The following DPP6 variants were observed in gnomAD, a reference collection of about 807,000 sequenced individuals.
DPP6 encodes the protein A-type potassium channel modulatory protein DPP6.
In DPP6, 69 loss-of-function variants were observed where a neutral mutation model predicts 122.6. The observed-to-expected ratio is 0.56, with a 90% CI of 0.46 to 0.69. The LOEUF is 0.69. DPP6 is among the 30% of genes least tolerant of loss of function. The pLI, the probability that DPP6 is intolerant of heterozygous loss-of-function variation, is 0.00. For synonymous variants in DPP6, 418 were observed against 433.1 expected (o/e 0.97, Z 0.43); for missense variants, 928 against 1,116.9 (o/e 0.83, Z 2.41).
At chr7:154,070,371 G>A (rs1470639249) in intron 1 of DPP6, among the ~76,000 whole-genome samples, 1 of 151,932 alleles carries the variant, frequency 6.6e-6, no homozygotes, top group African/African-American at 2.4e-5. Context: ...CCTTTAAAAA[G>A]TGAGACAAAT....
At chr7:154,254,610 G>C (rs971348550) in intron 1 of DPP6, among the ~76,000 whole-genome samples, 3 of 152,056 alleles carry the variant, frequency 2.0e-5, no homozygotes, top group South Asian at 2.1e-4. Flanking sequence ...CAGTGGGCTT[G>C]GTTCTTAATG....
At chr7:154,057,045 A>G (rs1800885910) in intron 1 of DPP6, among the ~76,000 whole-genome samples, 1 of 152,200 alleles carries the variant, frequency 6.6e-6, no homozygotes, top group South Asian at 2.1e-4. Flanking sequence ...GAGCATGGAG[A>G]GTTGCAATGT....
intron 6 of DPP6, among the ~76,000 whole-genome samples, chr7:154,662,221 G>A (rs1837749789): frequency 6.6e-6 from 1 of 151,618 alleles, no homozygotes; most frequent in Non-Finnish European, 1.5e-5. Flanking sequence ...CGTTCACGCA[G>A]TCATGGTGAA....
intron 1 of DPP6, among the ~76,000 whole-genome samples, chr7:153,964,472 C>T (rs1440878459): frequency 1.3e-5 from 2 of 152,134 alleles, no homozygotes; most frequent in African/African-American, 4.8e-5. Context: ...CCTGGGCACA[C>T]CAGGGCTCCG....
chr7:154,785,044 C>T (rs575232011), intron 10 of DPP6, among the ~76,000 whole-genome samples: 12 of 152,230 alleles, frequency 7.9e-5, no homozygotes, highest in African/African-American at 2.6e-4. Context: ...ACATCTCCAC[C>T]GTGTACCAGT....
chr7:154,715,471 A>G (rs1054538333), intron 7 of DPP6, among the ~76,000 whole-genome samples: 1 of 152,224 alleles, frequency 6.6e-6, no homozygotes, highest in Non-Finnish European at 1.5e-5. Context: ...CACTTGTACA[A>G]TTTTCCGACC....
intron 3 of DPP6, among the ~76,000 whole-genome samples, chr7:154,477,785 A>C (rs1282584232): frequency 6.6e-6 from 1 of 152,210 alleles, no homozygotes; most frequent in Non-Finnish European, 1.5e-5. Context: ...CTGTATCATC[A>C]GGTTATGCCT....
chr7:154,756,345 C>G (rs537205586), intron 8 of DPP6, among the ~76,000 whole-genome samples: 42 of 152,308 alleles, frequency 2.8e-4, no homozygotes, highest in Admixed American at 9.1e-4. Flanking sequence ...CCTGCCTATA[C>G]GTCTCCAGGC....
the DPP6 span, among the ~76,000 whole-genome samples, chr7:153,863,410 A>G: frequency 6.6e-6 from 1 of 152,162 alleles, no homozygotes; most frequent in African/African-American, 2.4e-5. Context: ...AACAACAACA[A>G]CAACAAACCT....
rs1563738490 is a variant in DPP6 at position 154,481,340 on chromosome 7, GAGA to G, written c.457+6304_457+6306del. Among the ~76,000 whole-genome samples, 2 of 89,308 alleles carry G rather than the reference GAGA, an allele frequency of 2.2e-5. No individual in the cohort carries two copies. The highest frequency in any genetic ancestry group is 4.6e-5 in the Non-Finnish European group (2 of 43,334). The allele number at this position is 89,308 out of a possible 152,430, so 58.6% of individuals were successfully genotyped here. A position where few individuals can be genotyped will look rare whatever the true frequency, so the allele number is the denominator to read the frequency against. ...CGAGCTATACACTTGGAGAGAGAGA[GAGA>G]GGGGTGTGTGTGTGTGTGTGTGTGT... On this transcript the variant is annotated intron_variant, in intron 3 of 25. Transcript: ENST00000377770. This position sits in a 1 kb window ranked among gnomAD's most constrained non-coding sequence, Gnocchi z 4.2.
chr7:153,838,554 G>A, the DPP6 span, among the ~76,000 whole-genome samples: 3 of 152,156 alleles, frequency 2.0e-5, no homozygotes, highest in Non-Finnish European at 2.9e-5. Flanking sequence ...AAGAGAAAGA[G>A]AATGGGATAC....
chr7:153,888,694 G>T (rs1799054500), intron 1 of DPP6, among the ~76,000 whole-genome samples: 1 of 142,870 alleles, frequency 7.0e-6, no homozygotes, highest in African/African-American at 2.6e-5. Flanking sequence ...ATTTTAAGTT[G>T]CTGGCTGGCA....
chr7:154,843,681 G>C (rs1801733026), intron 16 of DPP6, among the ~76,000 whole-genome samples: 1 of 152,230 alleles, frequency 6.6e-6, no homozygotes, highest in African/African-American at 2.4e-5. Context: ...TGTTGTTTTT[G>C]CTGAAGCTGC....
intron 18 of DPP6, among the ~76,000 whole-genome samples, chr7:154,871,840 G>A (rs1264275325): frequency 1.3e-5 from 2 of 152,218 alleles, no homozygotes; most frequent in African/African-American, 2.4e-5. Flanking sequence ...AATCTGGGTT[G>A]TAGTTAACAT....
At chr7:154,609,851 T>C (rs1369443313) in intron 5 of DPP6, among the ~76,000 whole-genome samples, 1 of 152,226 alleles carries the variant, frequency 6.6e-6, no homozygotes, top group Admixed American at 6.5e-5. Flanking sequence ...ATAATATGCC[T>C]TTTCTGGAAT....
At chr7:154,639,214 T>C (rs1308186254) in intron 6 of DPP6, among the ~76,000 whole-genome samples, 1 of 152,244 alleles carries the variant, frequency 6.6e-6, no homozygotes, top group African/African-American at 2.4e-5. Flanking sequence ...CATGTGGATC[T>C]TCAGCAAATT....
chr7:154,809,154 T>G (rs1398284690), intron 16 of DPP6, among the ~76,000 whole-genome samples: 1 of 152,158 alleles, frequency 6.6e-6, no homozygotes, highest in African/African-American at 2.4e-5. Context: ...AGTTGTGATA[T>G]GAAGGAGTGA....
At chr7:154,500,451 TAATTCCCAC>T (rs2151409137) in intron 3 of DPP6, among the ~76,000 whole-genome samples, 1 of 152,300 alleles carries the variant, frequency 6.6e-6, no homozygotes, top group South Asian at 2.1e-4. Flanking sequence ...TTTTGAATGG[TAATTCCCAC>T]AATTTCCATG....
chr7:153,759,021 C>T, the DPP6 span, among the ~76,000 whole-genome samples: 910 of 141,804 alleles, frequency 6.4e-3, no homozygotes, highest in African/African-American at 0.027. Context: ...CCGGTTCCCC[C>T]AAATCCTTGC....
Sources: allele counts gnomAD v4.1 joint callset (sites outside exome capture counted in the v4.1 genomes callset), GRCh38; gene constraint gnomAD v4.1.1; non-coding constraint Gnocchi (gnomAD v3.1); transcripts MANE v1.5; gene names NCBI Gene and HGNC (gene_info 2026-07-23, HGNC 2026-07-21).